Variants in ZSWIM9 observed in about 807,000 individuals in gnomAD.
ZSWIM9 encodes the protein uncharacterized protein ZSWIM9.
ZSWIM9 carries 11 observed loss-of-function variants against 25.0 expected under a neutral mutation model. The ratio of observed to expected loss-of-function variants is 0.44; its 90% CI spans 0.28 to 0.73. The LOEUF is 0.73. ZSWIM9 is among the 30% of genes least tolerant of loss of function. The pLI is 0.16. For missense variants in ZSWIM9, 1,070 were observed against 1,296.5 expected (o/e 0.83, Z 2.68); for synonymous variants, 562 against 582.1 (o/e 0.97, Z 0.50).
At position 48,195,763 on chromosome 19, in the gene ZSWIM9, G is replaced by A. The variant is rs1445485579; in HGVS notation, c.1699G>A (p.Glu567Lys). 6.7e-7 allele frequency: 1 copy of A among 1,489,814 alleles called. No homozygotes were observed. Among genetic ancestry groups the A allele is most frequent in the Non-Finnish European group, 8.9e-7 (1 of 1,127,400 alleles). 92.3% of individuals were successfully genotyped at this position (1,489,814 alleles called of 1,614,324 possible). Residue 567 changes from glutamate (E) to lysine (K), a missense_variant, in exon 4 of 4, where the codon GAG becomes AAG. Around this residue, in one of 4 missense-constraint regions of ZSWIM9, gnomAD observed 583 missense variants for 624.7 expected, o/e 0.93. Coordinates refer to ENST00000614654, the MANE Select transcript of ZSWIM9 (RefSeq NM_199341.4). The surrounding 1 kb of genome is among the most constrained non-coding windows in gnomAD (Gnocchi z 5.8). Reference protein sequence around the residue: ...RDWRGPQLEGEKDWGLEGYVW... With the variant: ...RDWRGPQLEGKKDWGLEGYVW... Reference sequence around the variant, plus strand: ...CTGGAGGGGGCCCCAGTTGGAGGGTGAGAAAGATTGGGGACTGGAAGGTTA... The same window carrying A: ...CTGGAGGGGGCCCCAGTTGGAGGGTAAGAAAGATTGGGGACTGGAAGGTTA...
intron 2 of ZSWIM9, among the ~76,000 whole-genome samples, chr19:48,180,510 G>A (rs2036936757): frequency 6.6e-6 from 1 of 151,814 alleles, no homozygotes; most frequent in African/African-American, 2.4e-5. Context: ...CTCTGACTTT[G>A]ATCCTCTTAC....
intron 3 of ZSWIM9, among the ~76,000 whole-genome samples, chr19:48,190,169 ACT>A (rs894635372): frequency 7.3e-5 from 11 of 150,778 alleles, no homozygotes; most frequent in Middle Eastern, 3.2e-3. Context: ...ATGCCACTGT[ACT>A]CCAGCCTGGG....
At chr19:48,172,224 G>A in intron 2 of ZSWIM9, 147 bp downstream of exon 2, 2 of 708,614 alleles carry the variant, frequency 2.8e-6, no homozygotes, top group African/African-American at 1.8e-5. Context: ...GCAGAGAGGC[G>A]GGAGTCAAGG....
At chr19:48,192,483 A>G (rs1235397469) in intron 3 of ZSWIM9, among the ~76,000 whole-genome samples, 865 of 29,254 alleles carry the variant, frequency 0.03, 180 homozygotes, top group Non-Finnish European at 0.04. Flanking sequence ...AAAAAAAAAT[A>G]TATATATATA....
At chr19:48,190,040 T>C (rs544046791) in intron 3 of ZSWIM9, among the ~76,000 whole-genome samples, 1 of 151,818 alleles carries the variant, frequency 6.6e-6, no homozygotes, top group African/African-American at 2.4e-5. Context: ...CCGTCTCTAC[T>C]AAAAATACAT....
Position 48,196,549 on chromosome 19 carries a change from G to T in ZSWIM9, c.2485G>T (p.Ala829Ser). ...DWEPLAKFRA[A>S]CGPELADLVA... ...GGAACCCCTGGCCAAATTCCGAGCA[G>T]CCTGCGGGCCAGAGCTGGCAGACCT... The change falls in exon 4 of 4, where the codon GCC becomes TCC. Residue 829 changes from alanine to serine, a missense_variant. Transcript: ENST00000614654. The T allele has an allele frequency of 8.1e-7, 1 of 1,232,514 alleles. No individual in the cohort carries two copies. Among genetic ancestry groups the T allele is most frequent in the Non-Finnish European group, 1.0e-6 (1 of 988,308 alleles). 76.3% of individuals were successfully genotyped at this position (1,232,514 alleles called of 1,614,324 possible). A position where few individuals can be genotyped will look rare whatever the true frequency, so the allele number is the denominator to read the frequency against.
chr19:48,192,558 C>G (rs938545691), intron 3 of ZSWIM9, among the ~76,000 whole-genome samples: 2 of 142,268 alleles, frequency 1.4e-5, no homozygotes, highest in African/African-American at 5.2e-5. Context: ...CACCCTGCCC[C>G]TTAAAATGCC....
intron 3 of ZSWIM9, among the ~76,000 whole-genome samples, chr19:48,186,052 A>G (rs2037007229): frequency 6.6e-6 from 1 of 152,160 alleles, no homozygotes; most frequent in South Asian, 2.1e-4. Flanking sequence ...CTGGCCACAC[A>G]TGGCTACAGA....
At chr19:48,188,881 A>C (rs2037061544) in intron 3 of ZSWIM9, among the ~76,000 whole-genome samples, 1 of 151,816 alleles carries the variant, frequency 6.6e-6, no homozygotes, top group Non-Finnish European at 1.5e-5. Context: ...AATACAAAAA[A>C]TTAGCCAGGT....
At chr19:48,177,800 C>T (rs780031095) in intron 2 of ZSWIM9, among the ~76,000 whole-genome samples, 3 of 152,238 alleles carry the variant, frequency 2.0e-5, no homozygotes, top group Admixed American at 1.3e-4. Flanking sequence ...CATGGCTGCA[C>T]GCGGGGATTT....
chr19:48,188,956 G>A (rs971758938), intron 3 of ZSWIM9, among the ~76,000 whole-genome samples: 11 of 151,746 alleles, frequency 7.2e-5, no homozygotes, highest in South Asian at 2.1e-4. Flanking sequence ...GCGTGAACCC[G>A]GAAGGCGGAG....
chr19:48,183,129 C>G (rs959542556), intron 3 of ZSWIM9: 15 of 172,854 alleles, frequency 8.7e-5, no homozygotes, highest in African/African-American at 1.2e-4. Context: ...TTTTTTGAGA[C>G]GGAGTCTCAC....
intron 3 of ZSWIM9, chr19:48,187,569 TTATA>T (rs1168766019): frequency 8.7e-4 from 16 of 18,336 alleles, no homozygotes; most frequent in African/African-American, 1.3e-3. Flanking sequence ...ATATATAATA[TTATA>T]TATATTATAT....
At position 48,196,287 on chromosome 19, in the gene ZSWIM9, C is replaced by G; in HGVS notation, c.2223C>G (p.Pro741=). 8.1e-7 allele frequency: 1 copy of G among 1,233,650 alleles called. No homozygotes were observed. The highest frequency in any genetic ancestry group is 1.0e-6 in the Non-Finnish European group (1 of 989,168). 76.4% of individuals were successfully genotyped at this position (1,233,650 alleles called of 1,614,324 possible). The change falls in exon 4 of 4, where the codon CCC becomes CCG. Residue 741 remains proline, a synonymous_variant. Coordinates refer to ENST00000614654, the MANE Select transcript of ZSWIM9 (RefSeq NM_199341.4). ...GAGGGGGAGCCCGGTCCGTGGGCCC[C>G]AAGAGCCGAGCCGGACGAGGGATGG... ...GDGGGARSVG[P]KSRAGRGMEW...
Position 48,197,555 on chromosome 19 carries a change from C to A in ZSWIM9, c.*728C>A. The A allele has an allele frequency of 2.2e-6, 1 of 465,028 alleles. No individual in the cohort carries two copies. The allele number at this position is 465,028 out of a possible 1,614,324, so 28.8% of individuals were successfully genotyped here. On this transcript the variant is annotated 3_prime_UTR_variant, in exon 4 of 4. Transcript: ENST00000614654. ...GGGCACTGGGGGTCAGGAGAGTCTCCAGCAGGGGAGGGGAATTGTTTGGAC... is the reference window on the plus strand; with the variant it reads ...GGGCACTGGGGGTCAGGAGAGTCTCAAGCAGGGGAGGGGAATTGTTTGGAC...
At position 48,196,346 on chromosome 19, in the gene ZSWIM9, TG is replaced by T; in HGVS notation, c.2286del (p.Asn763MetfsTer113). ...GACGCAGGAGGGCGGTGTCTAGGGC[TG>T]GGGAATGGAGTCGTGTCTGGCACCC... is the stretch of plus-strand genomic sequence containing the variant. Reference protein sequence around the residue: ...WGDAGGRCLGLGNGVVSGTPV... With the variant: ...WGDAGGRCLGXGNGVVSGTPV... On this transcript the variant is annotated frameshift_variant, in exon 4 of 4. Transcript: ENST00000614654. LOFTEE classifies it high-confidence loss of function. 1 of 1,232,580 alleles carries T rather than the reference TG, an allele frequency of 8.1e-7. No individual in the cohort carries two copies. The highest frequency in any genetic ancestry group is 1.0e-6 in the Non-Finnish European group (1 of 988,430). 76.4% of individuals were successfully genotyped at this position (1,232,580 alleles called of 1,614,324 possible).
At chr19:48,189,238 C>T (rs140458862) in intron 3 of ZSWIM9, among the ~76,000 whole-genome samples, 1 of 152,226 alleles carries the variant, frequency 6.6e-6, no homozygotes, top group East Asian at 1.9e-4. Context: ...TAGAAACAAC[C>T]CAGACTCCAC....
chr19:48,185,137 CTT>C lies in ZSWIM9; in HGVS notation c.588+2388_588+2389del, dbSNP rs34561252. 6.2e-3 allele frequency among the ~76,000 whole-genome samples: 768 copies of C among 124,260 alleles called. 6 individuals carry two copies. The highest frequency in any genetic ancestry group is 0.017 in the African/African-American group (543 of 32,766). The allele number at this position is 124,260 out of a possible 152,430, so 81.5% of individuals were successfully genotyped here. A position where few individuals can be genotyped will look rare whatever the true frequency, so the allele number is the denominator to read the frequency against. On this transcript the variant is annotated intron_variant, in intron 3 of 3. Transcript: ENST00000614654. ...GTCTGTGTTTTGACCTGCTTTCATA[CTT>C]TTTTTTTTTTTTTTTTTGAGACGGA...
intron 3 of ZSWIM9, among the ~76,000 whole-genome samples, chr19:48,187,522 ATATATTATATTATTAT>A (rs2037037078): frequency 1.2e-5 from 1 of 83,070 alleles, no homozygotes; most frequent in African/African-American, 5.4e-5. Context: ...TATATATATT[ATATATTATATTATTAT>A]TATATTATAT....
Sources: gnomAD v4.1 joint callset for allele counts (sites outside exome capture counted in the v4.1 genomes callset) on GRCh38, gnomAD v4.1.1 for gene constraint, gnomAD v4.1.1 regional missense constraint, Gnocchi (gnomAD v3.1) non-coding constraint, MANE v1.5 for transcripts, NCBI Gene and HGNC (gene_info 2026-07-23, HGNC 2026-07-21) for gene names.